Variants in ANXA3 observed in about 807,000 individuals in gnomAD.
The protein encoded by ANXA3 is 35-alpha calcimedin.
A neutral mutation model predicts 48.8 loss-of-function variants in ANXA3; 46 were observed. The ratio of observed to expected loss-of-function variants is 0.94; its 90% confidence interval spans 0.74 to 1.21. ANXA3 has a LOEUF of 1.21. ANXA3 is among the 50% of genes most tolerant of loss of function. The pLI is 0.00. For missense variants in ANXA3, 383 were observed against 378.6 expected, an observed-to-expected ratio of 1.01 and a Z score of -0.10; for synonymous variants, 128 against 134.7, an observed-to-expected ratio of 0.95 and a Z score of 0.35.
intron 12 of ANXA3, among the ~76,000 whole-genome samples, chr4:78,609,849 A>G (rs1214839840): frequency 6.6e-6 from 1 of 152,186 alleles, no homozygotes; most frequent in Non-Finnish European, 1.5e-5. Context: ...AAGAATCTAA[A>G]TATTACTTAC....
At chr4:78,584,868 A>G (rs1262401600) in intron 5 of ANXA3, among the ~76,000 whole-genome samples, 1 of 152,294 alleles carries the variant, frequency 6.6e-6, no homozygotes, top group East Asian at 1.9e-4. Context: ...CCTGACCCCT[A>G]TGAGAGGAGA....
rs1723448537 is a variant in ANXA3 at position 78,597,609 on chromosome 4, GTCTTTTT to G, written c.730+203_730+209del. Among the ~76,000 whole-genome samples, 4 of 152,020 alleles carry G rather than the reference GTCTTTTT, an allele frequency of 2.6e-5. No homozygotes were observed. In the South Asian group the frequency reaches 8.3e-4, roughly 31 times the overall value. On this transcript the variant is annotated intron_variant, in intron 10 of 12. Transcript: ENST00000264908. ...ATGCTTGAAGAAGTTATTTTTTTAA[GTCTTTTT>G]TCTTTTTCTTTTTTGAAACAGGATC...
intron 2 of ANXA3, among the ~76,000 whole-genome samples, chr4:78,563,095 A>G (rs1398588261): frequency 6.6e-6 from 1 of 152,186 alleles, no homozygotes; most frequent in Admixed American, 6.5e-5. Context: ...CTCTAGGTTT[A>G]CTTTACATTA....
At chr4:78,568,019 T>G (rs1200025685) in intron 2 of ANXA3, among the ~76,000 whole-genome samples, 1 of 152,238 alleles carries the variant, frequency 6.6e-6, no homozygotes, top group Non-Finnish European at 1.5e-5. Context: ...TACATGGCTG[T>G]CTTATAAGGA....
Position 78,608,051 on chromosome 4 carries a change from C to A in ANXA3, c.913-2005C>A, listed in dbSNP as rs139228730. Reference sequence around the variant, plus strand: ...AGTTGAAAGAGAGCTTTGAGATCAGCGAATTCACTCATTCAATTAAAAATA... The same window carrying A: ...AGTTGAAAGAGAGCTTTGAGATCAGAGAATTCACTCATTCAATTAAAAATA... On this transcript the variant is annotated intron_variant, in intron 12 of 12. Transcript: ENST00000264908. Among the ~76,000 whole-genome samples the A allele has an allele frequency of 6.2e-4, 94 of 151,958 alleles. 2 individuals are homozygous for A. In the South Asian group the frequency reaches 0.013, roughly 20 times the overall value.
At chr4:78,583,626 A>G (rs11946509) in intron 5 of ANXA3, among the ~76,000 whole-genome samples, 6,384 of 150,760 alleles carry the variant, frequency 0.042, 428 homozygotes, top group African/African-American at 0.14. Flanking sequence ...AAAAAAAAAA[A>G]AAGAAGAAGA....
In ANXA3 at chr4:78,582,301, C is replaced by A; in HGVS notation, c.312+11C>A. ...AAGAAATCCATGAAGGTATGAGCCCCCCACAAGCCATTTCTGCCCAGGGTT... is the reference window on the plus strand; with the variant it reads ...AAGAAATCCATGAAGGTATGAGCCCACCACAAGCCATTTCTGCCCAGGGTT... On this transcript the variant is annotated intron_variant, in intron 5 of 12. Coordinates refer to ENST00000264908, the MANE Select transcript of ANXA3 (RefSeq NM_005139.3). The A allele has an allele frequency of 6.4e-7, 1 of 1,572,674 alleles. No homozygotes were observed. Among genetic ancestry groups the A allele is most frequent in the Non-Finnish European group, 8.7e-7 (1 of 1,143,580 alleles).
intron 2 of ANXA3, among the ~76,000 whole-genome samples, chr4:78,569,977 C>A (rs1260947192): frequency 6.6e-6 from 1 of 152,144 alleles, no homozygotes; most frequent in Non-Finnish European, 1.5e-5. Context: ...TCACTTTGTT[C>A]ATGTATTAGT....
At chr4:78,598,563 G>A (rs965855975) in intron 10 of ANXA3, among the ~76,000 whole-genome samples, 3 of 150,574 alleles carry the variant, frequency 2.0e-5, no homozygotes, top group African/African-American at 4.9e-5. Context: ...TCTTTGTGAC[G>A]GAGTCTCGCT....
At chr4:78,565,178 G>A (rs560064823) in intron 2 of ANXA3, among the ~76,000 whole-genome samples, 8 of 152,142 alleles carry the variant, frequency 5.3e-5, no homozygotes, top group African/African-American at 1.7e-4. Flanking sequence ...ATTTTTAGTA[G>A]AGGCAGAGTT....
intron 4 of ANXA3, 152 bp from the exon 5 acceptor site, chr4:78,582,025 A>G (rs748681279): frequency 1.1e-4 from 66 of 581,470 alleles, no homozygotes; most frequent in Non-Finnish European, 1.7e-4. Context: ...GCAGATTAAT[A>G]TTCATAGAAA....
intron 12 of ANXA3, among the ~76,000 whole-genome samples, chr4:78,609,734 A>G (rs999586815): frequency 2.0e-5 from 3 of 152,228 alleles, no homozygotes; most frequent in African/African-American, 7.2e-5. Flanking sequence ...TTCGATAAAT[A>G]TTATTAAAAC....
At chr4:78,593,151 A>ACACACC in intron 7 of ANXA3, among the ~76,000 whole-genome samples, 1 of 140,084 alleles carries the variant, frequency 7.1e-6, no homozygotes, top group African/African-American at 3.1e-5. Context: ...ACACACACAC[A>ACACACC]CCACTTAAAC....
chr4:78,566,054 A>G lies in ANXA3; in HGVS notation c.16-7126A>G, dbSNP rs78524773. On this transcript the variant is annotated intron_variant, in intron 2 of 12. Coordinates refer to ENST00000264908, the MANE Select transcript of ANXA3 (RefSeq NM_005139.3). ...TTTCCACTTTAGAATTGCGTATTTT[A>G]TAGAGGTCAGACAAAGGTGAGTGCA... 2.6e-5 allele frequency among the ~76,000 whole-genome samples: 4 copies of G among 152,302 alleles called. No individual in the cohort carries two copies. The East Asian group carries it at 5.8e-4, about 22-fold the overall frequency.
intron 9 of ANXA3, 81 bp downstream of exon 9, chr4:78,595,968 A>G (rs977288901): frequency 1.0e-6 from 1 of 962,000 alleles, no homozygotes; most frequent in Non-Finnish European, 1.6e-6. Context: ...AGATCTAGAA[A>G]AACGAAGTTT....
intron 11 of ANXA3, chr4:78,603,962 T>C (rs1723597122): frequency 5.4e-6 from 1 of 185,698 alleles, no homozygotes; most frequent in Non-Finnish European, 1.1e-5. Flanking sequence ...TGAAGTATGC[T>C]CCCATGGTAC....
intron 2 of ANXA3, among the ~76,000 whole-genome samples, chr4:78,556,000 G>T (rs1459900447): frequency 6.6e-6 from 1 of 152,004 alleles, no homozygotes; most frequent in African/African-American, 2.4e-5. Context: ...CTCTGTTCAT[G>T]GGAGAGTAAA....
intron 2 of ANXA3, among the ~76,000 whole-genome samples, chr4:78,567,122 G>A (rs570296426): frequency 1.3e-5 from 2 of 152,360 alleles, no homozygotes; most frequent in African/African-American, 4.8e-5. Flanking sequence ...TCTAGGTGAG[G>A]AGGCTCTTAG....
At chr4:78,605,207 A>C (rs1352237167) in intron 12 of ANXA3, among the ~76,000 whole-genome samples, 1 of 152,142 alleles carries the variant, frequency 6.6e-6, no homozygotes, top group Non-Finnish European at 1.5e-5. Flanking sequence ...GTGCGATCAT[A>C]ATACATTGTA....
Sources: gnomAD v4.1 joint callset for allele counts (sites outside exome capture counted in the v4.1 genomes callset) on GRCh38, gnomAD v4.1.1 for gene constraint, MANE v1.5 for transcripts, NCBI Gene and HGNC (gene_info 2026-07-23, HGNC 2026-07-21) for gene names.